The following GPHN variants were observed in gnomAD, a reference collection of about 807,000 sequenced individuals.
GPHN encodes gephyrin.
A neutral mutation model predicts 95.5 loss-of-function variants in GPHN; 17 were observed. The ratio of observed to expected loss-of-function variants is 0.18; its 90% CI spans 0.12 to 0.27. The LOEUF (loss-of-function observed/expected upper bound fraction) is 0.27, where lower values mean the gene tolerates loss of function less well. GPHN is among the 10% of genes least tolerant of loss of function. The pLI is 1.00. For missense variants in GPHN, 660 were observed against 978.1 expected, an observed-to-expected ratio of 0.67 and a Z score of 4.34; for synonymous variants, 320 against 322.5, an observed-to-expected ratio of 0.99 and a Z score of 0.08.
At chr14:66,837,841 A>G (rs1292224872) in intron 4 of GPHN, among the ~76,000 whole-genome samples, 1 of 151,986 alleles carries the variant, frequency 6.6e-6, no homozygotes, top group Non-Finnish European at 1.5e-5. Flanking sequence ...TCCTAATTGT[A>G]TACCTACTCT....
intron 21 of GPHN, among the ~76,000 whole-genome samples, chr14:67,178,352 T>A (rs1050201358): frequency 6.6e-6 from 1 of 152,224 alleles, no homozygotes; most frequent in African/African-American, 2.4e-5. Flanking sequence ...AATTCTGGGT[T>A]GAAAATTCTT....
At chr14:66,947,512 G>A (rs1185463802) in intron 8 of GPHN, among the ~76,000 whole-genome samples, 1 of 152,144 alleles carries the variant, frequency 6.6e-6, no homozygotes, top group Non-Finnish European at 1.5e-5. Context: ...GCACAGGTTG[G>A]CACATAGTAT....
chr14:67,078,447 C>A (rs961927413), intron 11 of GPHN, among the ~76,000 whole-genome samples: 10 of 152,142 alleles, frequency 6.6e-5, no homozygotes, highest in Non-Finnish European at 1.3e-4. Flanking sequence ...TACTGCTCCC[C>A]GGTTCCCATT....
the GPHN span, among the ~76,000 whole-genome samples, chr14:67,340,936 G>A: frequency 6.6e-6 from 1 of 152,220 alleles, no homozygotes; most frequent in Admixed American, 6.5e-5. Context: ...TCGGCCTCCC[G>A]AGGTGCCGGG....
At chr14:67,627,508 T>G in the GPHN span, among the ~76,000 whole-genome samples, 2 of 152,250 alleles carry the variant, frequency 1.3e-5, no homozygotes, top group Admixed American at 1.3e-4. Flanking sequence ...AGGTGCCTTT[T>G]GAACAGTGTC....
chr14:66,733,190 T>C (rs1277092047), intron 2 of GPHN, among the ~76,000 whole-genome samples: 9 of 151,962 alleles, frequency 5.9e-5, no homozygotes, highest in Non-Finnish European at 1.3e-4. Context: ...TTTCCCTGCT[T>C]GTGCTAGGTC....
At chr14:67,176,320 A>G (rs1567452472) in intron 21 of GPHN, among the ~76,000 whole-genome samples, 1 of 152,174 alleles carries the variant, frequency 6.6e-6, no homozygotes, top group Non-Finnish European at 1.5e-5. Flanking sequence ...CCTTTTCTGC[A>G]TGTATTGAGA....
At chr14:67,444,619 ACT>A in the GPHN span, among the ~76,000 whole-genome samples, 165 of 152,310 alleles carry the variant, frequency 1.1e-3, no homozygotes, top group African/African-American at 3.8e-3. Flanking sequence ...TAATGAGGTA[ACT>A]CAGGATAGAA....
the GPHN span, among the ~76,000 whole-genome samples, chr14:67,324,647 T>C: frequency 6.6e-6 from 1 of 151,814 alleles, no homozygotes; most frequent in African/African-American, 2.4e-5. Context: ...TGTAGTGGCA[T>C]GTTCATGGCT....
the GPHN span, chr14:67,651,725 G>GT: frequency 2.9e-6 from 1 of 346,560 alleles, no homozygotes; most frequent in Non-Finnish European, 5.3e-6. Context: ...CTGAAATGTT[G>GT]TTCAAATAGT....
At chr14:67,139,141 T>C (rs918889815) in intron 17 of GPHN, among the ~76,000 whole-genome samples, 5 of 151,620 alleles carry the variant, frequency 3.3e-5, no homozygotes, top group African/African-American at 1.2e-4. Flanking sequence ...GAGAGTTGCT[T>C]GAACCCAGGA....
At chr14:66,948,734 C>T (rs746357374) in intron 8 of GPHN, among the ~76,000 whole-genome samples, 4 of 152,200 alleles carry the variant, frequency 2.6e-5, no homozygotes, top group Non-Finnish European at 4.4e-5. Flanking sequence ...CTTTCTCTAT[C>T]GACAAGGCAT....
the GPHN span, among the ~76,000 whole-genome samples, chr14:67,195,725 G>A: frequency 4.9e-4 from 55 of 112,126 alleles, no homozygotes; most frequent in Middle Eastern, 4.3e-3. Flanking sequence ...GTGTGTGTGT[G>A]TGTGTGTGTG....
chr14:67,045,346 AG>A (rs2074951327), intron 10 of GPHN, among the ~76,000 whole-genome samples: 3 of 152,040 alleles, frequency 2.0e-5, no homozygotes, highest in Non-Finnish European at 2.9e-5. Flanking sequence ...CCTAAGCCTG[AG>A]GCCTAAGACG....
the GPHN span, among the ~76,000 whole-genome samples, chr14:67,716,196 C>G: frequency 1.4e-3 from 155 of 108,728 alleles, no homozygotes; most frequent in African/African-American, 5.5e-3. Flanking sequence ...GACTCCGTCT[C>G]AAAAAAAAAA....
chr14:66,563,572 A>G (rs993667847), intron 1 of GPHN, among the ~76,000 whole-genome samples: 4 of 152,158 alleles, frequency 2.6e-5, no homozygotes, highest in African/African-American at 4.8e-5. Flanking sequence ...AATGTAAGCA[A>G]TCCTAAGCTA....
At chr14:67,488,381 CT>C in the GPHN span, 11 of 152,448 alleles carry the variant, frequency 7.2e-5, no homozygotes, top group African/African-American at 2.4e-4. Context: ...GGGTGCCCCC[CT>C]GGGTCTCCCC....
the GPHN span, among the ~76,000 whole-genome samples, chr14:67,236,416 A>G: frequency 6.6e-6 from 1 of 152,116 alleles, no homozygotes; most frequent in Non-Finnish European, 1.5e-5. Flanking sequence ...TTCATTCACC[A>G]TGCTTTTCCT....
At chr14:67,674,555 G>T in the GPHN span, 6,193 of 1,422,224 alleles carry the variant, frequency 4.4e-3, 260 homozygotes, top group African/African-American at 0.081. Flanking sequence ...CTAGCCCGGC[G>T]GTCAGCCGCC....
Sources: gnomAD v4.1 joint callset for allele counts (sites outside exome capture counted in the v4.1 genomes callset) on GRCh38, gnomAD v4.1.1 for gene constraint, MANE v1.5 for transcripts, NCBI Gene and HGNC (gene_info 2026-07-23, HGNC 2026-07-21) for gene names.